ZNF143: variants seen among roughly 807,000 people sequenced by gnomAD.
The protein encoded by ZNF143 is zinc finger protein 143, also known as SPH-binding factor.
ZNF143 carries 49 observed loss-of-function variants against 74.1 expected under a neutral mutation model. That is an observed-to-expected ratio of 0.66 (90% CI 0.53 to 0.84). ZNF143 has a LOEUF of 0.84. ZNF143 is among the 40% of genes least tolerant of loss of function. The pLI is 0.00. For missense variants in ZNF143, 637 were observed against 793.4 expected, an observed-to-expected ratio of 0.80 and a Z score of 2.37; for synonymous variants, 304 against 282.8, an observed-to-expected ratio of 1.07 and a Z score of -0.75.
At position 9,478,542 on chromosome 11, in the gene ZNF143, A is replaced by G. The variant is rs776940113; in HGVS notation, c.526A>G (p.Ile176Val). The G allele has an allele frequency of 1.1e-5, 18 of 1,614,198 alleles. No individual in the cohort carries two copies. The highest frequency in any genetic ancestry group is 2.7e-5 in the African/African-American group (2 of 75,054). ...VAGLHTGDAT[I>V]DPDTISALEQ... Reference sequence around the variant, plus strand: ...AGGTCTGCACACTGGGGATGCTACAATTGACCCTGACACCATCAGTGCTTT... The same window carrying G: ...AGGTCTGCACACTGGGGATGCTACAGTTGACCCTGACACCATCAGTGCTTT... The change falls in exon 6 of 16, where the codon ATT becomes GTT. Residue 176 changes from isoleucine to valine, a missense_variant. Ile to Val is a conservative substitution (Grantham distance 29). Transcript: ENST00000396602.
intron 1 of ZNF143, among the ~76,000 whole-genome samples, chr11:9,470,368 ATAAT>A (rs1436500330): frequency 2.6e-5 from 4 of 152,238 alleles, no homozygotes; most frequent in Non-Finnish European, 5.9e-5. Context: ...AATTTGTTAA[ATAAT>A]AAGTACTGTG....
At chr11:9,462,698 A>AC in intron 1 of ZNF143, among the ~76,000 whole-genome samples, 1 of 151,914 alleles carries the variant, frequency 6.6e-6, no homozygotes, top group Non-Finnish European at 1.5e-5. Context: ...ACGTGGTGAA[A>AC]CCCCCGTCTC....
In ZNF143 at chr11:9,496,320, C is replaced by T. The variant is rs1348553180; in HGVS notation, c.783C>T (p.His261=). 4.3e-6 allele frequency: 7 copies of T among 1,614,036 alleles called. No individual in the cohort carries two copies. The African/African-American group carries it at 8.0e-5, about 18-fold the overall frequency. ...AHHLKVHERS[H]TGDRPYQCEH... ...AATCACAGGTCCATGAGAGGTCACA[C>T]ACAGGAGATCGGCCTTATCAGTGTG... Residue 261 remains histidine (H), a synonymous_variant, in exon 9 of 16, where the codon CAC becomes CAT. Coordinates refer to ENST00000396602, the MANE Select transcript of ZNF143 (RefSeq NM_003442.6).
At chr11:9,515,220 A>G (rs1001116655) in intron 13 of ZNF143, among the ~76,000 whole-genome samples, 2 of 152,194 alleles carry the variant, frequency 1.3e-5, no homozygotes, top group Non-Finnish European at 2.9e-5. Flanking sequence ...TTTTAGAAAG[A>G]TGTCAACATA....
intron 7 of ZNF143, among the ~76,000 whole-genome samples, chr11:9,487,087 C>T (rs1482363593): frequency 2.7e-5 from 4 of 150,548 alleles, no homozygotes; most frequent in Admixed American, 2.6e-4. Context: ...CTGCCTCAGC[C>T]TCCCGAGTAG....
At chr11:9,485,207 AT>A in intron 7 of ZNF143, among the ~76,000 whole-genome samples, 1 of 151,428 alleles carries the variant, frequency 6.6e-6, no homozygotes, top group African/African-American at 2.4e-5. Flanking sequence ...TATTTTACAT[AT>A]TTTTAAATAT....
chr11:9,518,825 C>T (rs115808906), intron 14 of ZNF143, among the ~76,000 whole-genome samples: 5,100 of 151,838 alleles, frequency 0.034, 255 homozygotes, highest in African/African-American at 0.11. Flanking sequence ...AATTATTTTT[C>T]AGAAAGGTTT....
chr11:9,473,885 A>G, intron 3 of ZNF143, 56 bp from the exon 4 acceptor site: 1 of 1,612,938 alleles, frequency 6.2e-7, no homozygotes, highest in South Asian at 1.1e-5. Flanking sequence ...TTGAAATTGT[A>G]TAAAGTTTAA....
chr11:9,520,013 CTG>C (rs1848855869), intron 14 of ZNF143, among the ~76,000 whole-genome samples: 4 of 145,014 alleles, frequency 2.8e-5, no homozygotes, highest in Non-Finnish European at 6.0e-5. Context: ...TAGCAAGACA[CTG>C]TTTCCACCAA....
chr11:9,506,863 G>A (rs903279711), intron 11 of ZNF143, among the ~76,000 whole-genome samples: 3 of 151,784 alleles, frequency 2.0e-5, no homozygotes, highest in Non-Finnish European at 2.9e-5. Flanking sequence ...GTGAAGCTAT[G>A]TAACTAGCCA....
At chr11:9,515,134 A>G (rs1450693631) in intron 13 of ZNF143, among the ~76,000 whole-genome samples, 3 of 152,144 alleles carry the variant, frequency 2.0e-5, no homozygotes, top group East Asian at 3.9e-4. Flanking sequence ...TCAAAAAAAA[A>G]GTCTGAACTA....
intron 14 of ZNF143, among the ~76,000 whole-genome samples, chr11:9,521,449 C>G (rs1165797577): frequency 6.6e-6 from 1 of 152,098 alleles, no homozygotes; most frequent in Non-Finnish European, 1.5e-5. Flanking sequence ...GAAGTGTTCT[C>G]TTCTGTACTA....
chr11:9,472,738 T>G lies in ZNF143; in HGVS notation c.174T>G (p.Gly58=). Residue 58 remains glycine (G), a synonymous_variant, in exon 3 of 16, where the codon GGT becomes GGG. Transcript: ENST00000396602. ...TGCAAGCAGTAACACTTGCAGATGG[T>G]TCTACTGCTTACATACAACACAATT... ...VSLQAVTLAD[G]STAYIQHNSK... is the part of the protein sequence containing the mutation. 6.3e-7 allele frequency: 1 copy of G among 1,598,636 alleles called. No individual in the cohort carries two copies. Among genetic ancestry groups the G allele is most frequent in the Non-Finnish European group, 8.5e-7 (1 of 1,174,856 alleles).
At position 9,478,439 on chromosome 11, in the gene ZNF143, C is replaced by T. The variant is rs1847105780; in HGVS notation, c.423C>T (p.Thr141=). 1.2e-6 allele frequency: 2 copies of T among 1,614,088 alleles called. No individual in the cohort carries two copies. Among genetic ancestry groups the T allele is most frequent in the Middle Eastern group, 1.6e-4 (1 of 6,062 alleles). Residue 141 remains threonine, a synonymous_variant, in exon 6 of 16, where the codon ACC becomes ACT. Coordinates refer to ENST00000396602, the MANE Select transcript of ZNF143 (RefSeq NM_003442.6). ...AGGCGGTTCAGCTGGAAGATGGTACCACAGCTTATATCCACCATGCAGTGC... is the reference window on the plus strand; with the variant it reads ...AGGCGGTTCAGCTGGAAGATGGTACTACAGCTTATATCCACCATGCAGTGC... ...ALQAVQLEDG[T]TAYIHHAVQV... is the part of the protein sequence containing the mutation.
At chr11:9,505,976 A>G (rs577670485) in intron 11 of ZNF143, among the ~76,000 whole-genome samples, 1 of 152,218 alleles carries the variant, frequency 6.6e-6, no homozygotes, top group South Asian at 2.1e-4. Flanking sequence ...TTTGGAGAAA[A>G]TGGCTGGGGC....
At chr11:9,479,396 C>T (rs1217494931) in intron 6 of ZNF143, 76 bp from the exon 7 acceptor site, 2 of 1,192,418 alleles carry the variant, frequency 1.7e-6, no homozygotes, top group East Asian at 2.6e-5. Flanking sequence ...CAAGCTTCTC[C>T]CTGAACCATG....
intron 7 of ZNF143, among the ~76,000 whole-genome samples, chr11:9,494,341 C>T (rs561380682): frequency 2.6e-5 from 4 of 152,206 alleles, no homozygotes; most frequent in Admixed American, 6.5e-5. Flanking sequence ...CTCACTCTGC[C>T]ACCACCCAGG....
intron 1 of ZNF143, among the ~76,000 whole-genome samples, chr11:9,469,009 CTG>C (rs1043906121): frequency 1.3e-5 from 2 of 151,762 alleles, no homozygotes; most frequent in African/African-American, 4.8e-5. Context: ...TGGCACGTAC[CTG>C]TAATCCCAGT....
At chr11:9,512,375 AATATTTAAAATGTCCT>A in intron 12 of ZNF143, 57 bp from the exon 13 acceptor site, 1 of 1,522,478 alleles carries the variant, frequency 6.6e-7, no homozygotes, top group South Asian at 1.2e-5. Context: ...TTTTCTCTTT[AATATTTAAAATGTCCT>A]ATTTTCTAAA....
Sources: gnomAD v4.1 joint callset for allele counts (sites outside exome capture counted in the v4.1 genomes callset) on GRCh38, gnomAD v4.1.1 for gene constraint, MANE v1.5 for transcripts, NCBI Gene and HGNC (gene_info 2026-07-23, HGNC 2026-07-21) for gene names.